AMY2B: variants seen among roughly 807,000 people sequenced by gnomAD.
AMY2B encodes amylase alpha 2B, also known as alpha-amylase 2B.
AMY2B carries 63 observed loss-of-function variants against 59.3 expected under a neutral mutation model. That is an observed-to-expected ratio of 1.06 (90% CI 0.87 to 1.31). AMY2B has a LOEUF of 1.31. AMY2B is among the 50% of genes most tolerant of loss of function. The pLI is 0.00. For synonymous variants in AMY2B, 180 were observed against 198.1 expected (o/e 0.91, Z 0.77); for missense variants, 635 against 626.7 (o/e 1.01, Z -0.14).
At chr1:103,571,543 T>C (rs1557769134), upstream of AMY2B, 2 of 1,584,564 alleles carry the variant, frequency 1.3e-6, no homozygotes, top group East Asian at 2.2e-5. Flanking sequence ...CTTTGTAAAA[T>C]GTGCTTCTTA....
At chr1:103,555,537 C>G (rs1651521563) in intron 1 of AMY2B, among the ~76,000 whole-genome samples, 1 of 151,986 alleles carries the variant, frequency 6.6e-6, no homozygotes, top group South Asian at 2.1e-4. Flanking sequence ...TTTTGTTCCC[C>G]CAAATCTTTC....
intron 1 of AMY2B, among the ~76,000 whole-genome samples, chr1:103,562,992 A>G (rs555069878): frequency 1.3e-5 from 2 of 152,062 alleles, no homozygotes; most frequent in African/African-American, 2.4e-5. Context: ...CTATAATGCC[A>G]TTTATATTAT....
rs748590558 is a variant in AMY2B at position 103,572,111 on chromosome 1, T to C, written c.170T>C (p.Val57Ala). 1.9e-6 allele frequency: 3 copies of C among 1,611,606 alleles called. No individual in the cohort carries two copies. The highest frequency in any genetic ancestry group is 2.5e-6 in the Non-Finnish European group (3 of 1,179,664). ...LAPKGFGGVQ[V>A]SPPNENVAIH... is the part of the protein sequence containing the mutation. The stretch of plus-strand genomic sequence containing the variant: ...TTATGAAGACTGTTTAATTTGTAGG[T>C]CTCTCCACCAAATGAAAATGTTGCA... Residue 57 changes from valine to alanine, a missense_variant and splice_region_variant, in exon 2 of 10, where the codon GTC becomes GCC. By Grantham distance (64) the Val-to-Ala change is moderately conservative. Coordinates refer to ENST00000684275, the MANE Select transcript of AMY2B (RefSeq NM_001387437.1).
chr1:103,573,756 G>C lies in AMY2B; in HGVS notation c.562G>C (p.Asp188His), dbSNP rs1557770271. 6.2e-7 allele frequency: 1 copy of C among 1,613,806 alleles called. No homozygotes were observed. The highest frequency in any genetic ancestry group is 8.5e-7 in the Non-Finnish European group (1 of 1,179,764). The change falls in exon 4 of 10, where the codon GAT becomes CAT. Residue 188 changes from aspartate (D) to histidine (H), a missense_variant. Transcript: ENST00000684275. ...VGLLDLALEK[D>H]YVRSKIAEYM... The stretch of plus-strand genomic sequence containing the variant: ...TCTTCTTGATCTTGCACTGGAGAAA[G>C]ATTATGTGCGTTCCAAGATTGCCGA...
chr1:103,570,504 CG>C, upstream of AMY2B: 4 of 640,388 alleles, frequency 6.2e-6, no homozygotes, highest in South Asian at 4.1e-5. Context: ...GATCACCACC[CG>C]GGCACCTAGC....
intron 1 of AMY2B, among the ~76,000 whole-genome samples, chr1:103,558,308 C>T (rs1339945651): frequency 6.6e-6 from 1 of 152,196 alleles, no homozygotes; most frequent in Non-Finnish European, 1.5e-5. Context: ...TTGTAAGCCA[C>T]TGAAAAATTT....
chr1:103,570,935 G>T, upstream of AMY2B: 1 of 349,396 alleles, frequency 2.9e-6, no homozygotes, highest in Non-Finnish European at 5.6e-6. Flanking sequence ...ATGTGGCTTG[G>T]TCACTTCATG....
intron 1 of AMY2B, chr1:103,564,999 A>G (rs888709035): frequency 6.6e-6 from 1 of 152,060 alleles, no homozygotes; most frequent in Non-Finnish European, 1.5e-5. Flanking sequence ...ATTCTCTTAT[A>G]TCTGATTAAC....
rs764923580 is a variant in AMY2B, at chr1:103,573,241, A to T, written c.494A>T (p.Asn165Ile). Residue 165 changes from asparagine (N) to isoleucine (I), a missense_variant, in exon 3 of 10, where the codon AAC becomes ATC. By Grantham distance (149) the Asn-to-Ile change is moderately radical (BLOSUM62 -3). Transcript: ENST00000684275. ...AAAACTGGAAGTGGAGATATCGAGA[A>T]CTACAATGATGCTACTCAGGTAAAT... ...KCKTGSGDIE[N>I]YNDATQVRDC... 27 of 1,613,536 alleles carry T rather than the reference A, an allele frequency of 1.7e-5. No homozygotes were observed. Among genetic ancestry groups the T allele is most frequent in the Non-Finnish European group, 2.0e-5 (24 of 1,179,642 alleles).
chr1:103,569,823 A>G (rs1382713006), upstream of AMY2B: 4 of 459,310 alleles, frequency 8.7e-6, no homozygotes, highest in East Asian at 5.5e-5. Flanking sequence ...CACACCTTCT[A>G]CAAGGGACTG....
chr1:103,562,794 T>C (rs1193866168), intron 1 of AMY2B, among the ~76,000 whole-genome samples: 14 of 151,826 alleles, frequency 9.2e-5, no homozygotes, highest in Admixed American at 9.2e-4. Flanking sequence ...GATAGTTATA[T>C]AAGTAGAAAG....
rs575713411 is a variant in AMY2B, at chr1:103,554,960, C to T, written c.-356C>T. The T allele has an allele frequency of 4.7e-4, 72 of 152,100 alleles. 1 individual carries two copies. Among genetic ancestry groups the T allele is most frequent in the African/African-American group, 1.4e-3 (59 of 41,524 alleles). The allele number at this position is 152,100 out of a possible 1,614,324, so 9.4% of individuals were successfully genotyped here. On this transcript the variant is annotated 5_prime_UTR_variant, in exon 1 of 12. Transcript: ENST00000361355. ...ACTAATTTTCTAAATATAAATGGTT[C>T]AGCTCTTAGTTATTTTTAAACTAAT... is the stretch of plus-strand genomic sequence containing the variant.
chr1:103,567,510 T>C (rs1651948257), upstream of AMY2B, among the ~76,000 whole-genome samples: 1 of 152,136 alleles, frequency 6.6e-6, no homozygotes, highest in African/African-American at 2.4e-5. Flanking sequence ...CTCTAATCTA[T>C]TCATAAATCT....
At chr1:103,566,996 A>G (rs1038201444), upstream of AMY2B, among the ~76,000 whole-genome samples, 2 of 152,222 alleles carry the variant, frequency 1.3e-5, no homozygotes, top group African/African-American at 4.8e-5. Context: ...CTAGATATGA[A>G]GTCTAACTTC....
chr1:103,569,336 AT>A, upstream of AMY2B: 2 of 162,596 alleles, frequency 1.2e-5, no homozygotes, highest in South Asian at 1.7e-4. Context: ...GTGTATATAT[AT>A]ATATAAATAC....
At position 103,573,242 on chromosome 1, in the gene AMY2B, C is replaced by G; in HGVS notation, c.495C>G (p.Asn165Lys). 1 of 1,613,612 alleles carries G rather than the reference C, an allele frequency of 6.2e-7. No homozygotes were observed. The highest frequency in any genetic ancestry group is 8.5e-7 in the Non-Finnish European group (1 of 1,179,614). ...AAACTGGAAGTGGAGATATCGAGAA[C>G]TACAATGATGCTACTCAGGTAAATT... ...KCKTGSGDIENYNDATQVRDC... is the reference protein window; with the variant it reads ...KCKTGSGDIEKYNDATQVRDC... Residue 165 changes from asparagine (N) to lysine (K), a missense_variant, in exon 3 of 10, where the codon AAC becomes AAG. Asn to Lys is a moderately conservative substitution (Grantham distance 94). Transcript: ENST00000684275.
intron 1 of AMY2B, among the ~76,000 whole-genome samples, chr1:103,555,920 A>T (rs1037166988): frequency 6.6e-6 from 1 of 152,184 alleles, no homozygotes; most frequent in Non-Finnish European, 1.5e-5. Context: ...ATATTGCTGA[A>T]GCCATAGACC....
At chr1:103,561,259 T>A (rs2101061969) in intron 1 of AMY2B, among the ~76,000 whole-genome samples, 1 of 151,514 alleles carries the variant, frequency 6.6e-6, no homozygotes, top group East Asian at 1.9e-4. Context: ...ATGGAGTTAA[T>A]TTTTTTTTGG....
chr1:103,579,224 C>T lies in AMY2B; in HGVS notation c.1347-87C>T. On this transcript the variant is annotated intron_variant, in intron 9 of 9. Coordinates refer to ENST00000684275, the MANE Select transcript of AMY2B (RefSeq NM_001387437.1). ...TGAGACTTCACTGCTTAGGGTTCTA[C>T]AACATAAAGTTATGCTGTTTAGTTG... 4 of 1,607,680 alleles carry T rather than the reference C, an allele frequency of 2.5e-6. No homozygotes were observed. The Admixed American group carries it at 5.0e-5, about 20-fold the overall frequency.
Sources: gnomAD v4.1 joint callset for allele counts (sites outside exome capture counted in the v4.1 genomes callset) on GRCh38, gnomAD v4.1.1 for gene constraint, MANE v1.5 for transcripts, NCBI Gene and HGNC (gene_info 2026-07-23, HGNC 2026-07-21) for gene names.